Variants in PDHX observed in about 807,000 individuals in gnomAD.
PDHX encodes the protein pyruvate dehydrogenase protein X component, mitochondrial.
In PDHX, 33 loss-of-function variants were observed where a neutral mutation model predicts 55.3. The ratio of observed to expected loss-of-function variants is 0.60; its 90% CI spans 0.45 to 0.80. The LOEUF (loss-of-function observed/expected upper bound fraction) is 0.80, where lower values mean the gene tolerates loss of function less well. Among genes scored for constraint, PDHX ranks in the 30% least tolerant of loss-of-function variants. PDHX has a pLI of 0.00. For synonymous variants in PDHX, 226 were observed against 219.4 expected, an observed-to-expected ratio of 1.03 and a Z score of -0.27; for missense variants, 622 against 619.9, an observed-to-expected ratio of 1.00 and a Z score of -0.04.
At position 34,960,340 on chromosome 11, in the gene PDHX, C is replaced by G. The variant is rs370983473; in HGVS notation, c.543-80C>G. 1.2e-5 allele frequency: 11 copies of G among 913,416 alleles called. No homozygotes were observed. In the East Asian group the frequency reaches 2.9e-4, roughly 24 times the overall value. The allele number at this position is 913,416 out of a possible 1,614,324, so 56.6% of individuals were successfully genotyped here. ...TATAAGATTTTTTTTTAATTATTTG[C>G]GAAACTGTTGACATTTAGATCTATT... On this transcript the variant is annotated intron_variant, in intron 4 of 10. Coordinates refer to ENST00000227868, the MANE Select transcript of PDHX (RefSeq NM_003477.3).
intron 2 of PDHX, among the ~76,000 whole-genome samples, chr11:34,935,050 G>T (rs1302454723): frequency 6.6e-6 from 1 of 152,012 alleles, no homozygotes; most frequent in Non-Finnish European, 1.5e-5. Flanking sequence ...GTAGGGAGGG[G>T]TATAACTGAA....
In PDHX at chr11:34,934,308, A is replaced by G. The variant is rs565164756; in HGVS notation, c.241+2824A>G. Among the ~76,000 whole-genome samples, 35 of 152,308 alleles carry G rather than the reference A, an allele frequency of 2.3e-4. No individual in the cohort carries two copies. In the South Asian group the frequency reaches 7.0e-3, roughly 31 times the overall value. ...GTAGCTCTATCATTTTCCAGGAAAT[A>G]CAGGGGAAAATATAACGTGTTCAAT... On this transcript the variant is annotated intron_variant, in intron 2 of 10. Coordinates refer to ENST00000227868, the MANE Select transcript of PDHX (RefSeq NM_003477.3).
intron 3 of PDHX, among the ~76,000 whole-genome samples, chr11:34,948,662 A>G (rs1446666743): frequency 6.6e-6 from 1 of 151,078 alleles, no homozygotes. Context: ...ATTAGATACT[A>G]GATATAACAT....
chr11:34,950,104 T>G (rs1287084088), intron 3 of PDHX, among the ~76,000 whole-genome samples: 1 of 152,052 alleles, frequency 6.6e-6, no homozygotes, highest in Non-Finnish European at 1.5e-5. Context: ...CATTTTTAAA[T>G]ATTACTGTAT....
At chr11:34,957,124 CAGAA>C (rs918753491) in intron 3 of PDHX, among the ~76,000 whole-genome samples, 5 of 152,076 alleles carry the variant, frequency 3.3e-5, no homozygotes, top group African/African-American at 1.2e-4. Context: ...TGAAGGCTCT[CAGAA>C]AGAGGATACA....
Position 34,931,452 on chromosome 11 carries a change from A to G in PDHX, c.209A>G (p.Glu70Gly). 1 of 1,606,790 alleles carries G rather than the reference A, an allele frequency of 6.2e-7. No homozygotes were observed. The highest frequency in any genetic ancestry group is 8.5e-7 in the Non-Finnish European group (1 of 1,173,948). Reference sequence around the variant, plus strand: ...CCATCACTGTCTCCTACAATGGAAGAAGGAAACATTGTGAAATGGCTGAAA... The same window carrying G: ...CCATCACTGTCTCCTACAATGGAAGGAGGAAACATTGTGAAATGGCTGAAA... ...LMPSLSPTMEEGNIVKWLKKE... is the reference protein window; with the variant it reads ...LMPSLSPTMEGGNIVKWLKKE... The change falls in exon 2 of 11, where the codon GAA (glutamate) becomes GGA (glycine). Residue 70 changes from glutamate (E) to glycine (G), a missense_variant. Transcript: ENST00000227868.
intron 1 of PDHX, among the ~76,000 whole-genome samples, chr11:34,929,877 G>T (rs768962934): frequency 6.6e-6 from 1 of 152,116 alleles, no homozygotes; most frequent in African/African-American, 2.4e-5. Flanking sequence ...GAGAGAAAGG[G>T]TAAGACAGAT....
chr11:34,960,946 C>T (rs1855011131), intron 5 of PDHX, among the ~76,000 whole-genome samples: 1 of 152,088 alleles, frequency 6.6e-6, no homozygotes, highest in Non-Finnish European at 1.5e-5. Context: ...ACAGTTTGGT[C>T]TCTTTTTAGA....
At chr11:34,957,965 C>T (rs1046807716) in intron 4 of PDHX, among the ~76,000 whole-genome samples, 1 of 152,122 alleles carries the variant, frequency 6.6e-6, no homozygotes, top group Admixed American at 6.5e-5. Flanking sequence ...GCTCAAATGT[C>T]TATCTGATAT....
chr11:34,987,175 C>T (rs971999998), intron 9 of PDHX, among the ~76,000 whole-genome samples: 1 of 152,070 alleles, frequency 6.6e-6, no homozygotes, highest in Non-Finnish European at 1.5e-5. Flanking sequence ...TTTTTCCTGT[C>T]TAATCATTCA....
At chr11:34,942,800 C>G (rs1466622570) in intron 2 of PDHX, among the ~76,000 whole-genome samples, 1 of 152,052 alleles carries the variant, frequency 6.6e-6, no homozygotes, top group Non-Finnish European at 1.5e-5. Flanking sequence ...TTTTCCCTAC[C>G]TCCCTCTCTT....
chr11:34,970,403 A>G lies in PDHX; in HGVS notation c.964+117A>G. 3 of 853,318 alleles carry G rather than the reference A, an allele frequency of 3.5e-6. No individual in the cohort carries two copies. The Admixed American group carries it at 6.4e-5, about 18-fold the overall frequency. 52.9% of individuals were successfully genotyped at this position (853,318 alleles called of 1,614,324 possible). A position where few individuals can be genotyped will look rare whatever the true frequency, so the allele number is the denominator to read the frequency against. On this transcript the variant is annotated intron_variant, in intron 7 of 10. Transcript: ENST00000227868. ...GTGTAGCTTTTAATTTCAATTTCAT[A>G]ATGTACTTGCACTCTACTCTGGGTA...
upstream of PDHX, chr11:34,916,449 G>T (rs1590720981): frequency 6.8e-7 from 1 of 1,468,796 alleles, no homozygotes; most frequent in Non-Finnish European, 9.0e-7. Context: ...AGGCCCCGCC[G>T]GCTGAGATAT....
Position 34,937,931 on chromosome 11 carries a change from A to G in PDHX, c.241+6447A>G, listed in dbSNP as rs568893909. On this transcript the variant is annotated intron_variant, in intron 2 of 10. Coordinates refer to ENST00000227868, the MANE Select transcript of PDHX (RefSeq NM_003477.3). ...TCCCACATTTAATAACGTATGTGGA[A>G]GAAGTCTTTTAGGAGTGAAGTCAGT... 6.5e-4 allele frequency among the ~76,000 whole-genome samples: 99 copies of G among 152,342 alleles called. 2 individuals carry two copies. In the South Asian group the frequency reaches 8.7e-3, roughly 13 times the overall value.
intron 1 of PDHX, among the ~76,000 whole-genome samples, chr11:34,920,737 A>G (rs1853859198): frequency 6.6e-6 from 1 of 152,104 alleles, no homozygotes; most frequent in Non-Finnish European, 1.5e-5. Flanking sequence ...CATCACCTCT[A>G]GTTGTCATTT....
chr11:34,989,544 G>GAGT (rs151149436), intron 9 of PDHX, among the ~76,000 whole-genome samples: 7,149 of 152,214 alleles, frequency 0.047, 527 homozygotes, highest in African/African-American at 0.16. Context: ...GGTGAGGCAG[G>GAGT]AGTAGTCTTT....
At chr11:34,916,871 CA>C (rs1303524782) in intron 1 of PDHX, 56 bp downstream of exon 1, 30 of 1,484,262 alleles carry the variant, frequency 2.0e-5, no homozygotes, top group Non-Finnish European at 2.6e-5. Context: ...GGGCCTGGGA[CA>C]GGGGCAGTTA....
chr11:34,952,299 C>T (rs1424146856), intron 3 of PDHX, among the ~76,000 whole-genome samples: 12 of 151,842 alleles, frequency 7.9e-5, no homozygotes, highest in Non-Finnish European at 1.0e-4. Flanking sequence ...GAAACTATTC[C>T]AATCAATAGA....
intron 3 of PDHX, among the ~76,000 whole-genome samples, chr11:34,949,517 G>A (rs1377601289): frequency 3.9e-5 from 6 of 152,124 alleles, no homozygotes; most frequent in South Asian, 2.1e-4. Flanking sequence ...GATTATAGGC[G>A]TGAACCACCA....
Sources: gnomAD v4.1 joint callset for allele counts (sites outside exome capture counted in the v4.1 genomes callset) on GRCh38, gnomAD v4.1.1 for gene constraint, MANE v1.5 for transcripts, NCBI Gene and HGNC (gene_info 2026-07-23, HGNC 2026-07-21) for gene names.